DOCK4: variants seen among roughly 807,000 people sequenced by gnomAD.
DOCK4 encodes dedicator of cytokinesis 4, also known as dedicator of cytokinesis protein 4.
A neutral mutation model predicts 268.1 loss-of-function variants in DOCK4; 97 were observed. The observed-to-expected ratio is 0.36, with a 90% confidence interval of 0.31 to 0.43. DOCK4 has a LOEUF of 0.43. Among genes scored for constraint, DOCK4 ranks in the 20% least tolerant of loss-of-function variants. The pLI is 1.00. For missense variants in DOCK4, 2,145 were observed against 2,455.7 expected, an observed-to-expected ratio of 0.87 and a Z score of 2.67; for synonymous variants, 954 against 887.2, an observed-to-expected ratio of 1.08 and a Z score of -1.34.
Position 111,753,005 on chromosome 7 carries a change from TG to T in DOCK4, c.4416+2509del, listed in dbSNP as rs5886603. Among the ~76,000 whole-genome samples, 58 of 105,186 alleles carry T rather than the reference TG, an allele frequency of 5.5e-4. 3 individuals are homozygous for T. The highest frequency in any genetic ancestry group is 9.6e-4 in the African/African-American group (27 of 28,110). The allele number at this position is 105,186 out of a possible 152,430, so 69.0% of individuals were successfully genotyped here. On this transcript the variant is annotated intron_variant, in intron 42 of 52. Transcript: ENST00000428084. ...ATCTTAACAAAAGTTGATAAGCTAT[TG>T]GGGGGGGGGTCTGTGATTTAGAAAA... is the stretch of plus-strand genomic sequence containing the variant.
chr7:112,066,276 A>G (rs6962255), intron 1 of DOCK4, among the ~76,000 whole-genome samples: 20,083 of 151,854 alleles, frequency 0.13, 2,029 homozygotes, highest in East Asian at 0.38. Flanking sequence ...TGGAGCAGGG[A>G]CACTCTTCTT....
intron 16 of DOCK4, among the ~76,000 whole-genome samples, chr7:111,885,514 G>A (rs1168622667): frequency 1.3e-5 from 2 of 152,226 alleles, no homozygotes; most frequent in African/African-American, 4.8e-5. Flanking sequence ...TGTTACCAGT[G>A]TTATGGCAGA....
chr7:111,831,718 C>T (rs888209016), intron 26 of DOCK4, among the ~76,000 whole-genome samples: 2 of 152,104 alleles, frequency 1.3e-5, no homozygotes, highest in Non-Finnish European at 2.9e-5. Flanking sequence ...AACTCCTGGG[C>T]TCAAGTGATC....
chr7:112,179,632 G>A (rs1818852679), intron 1 of DOCK4, among the ~76,000 whole-genome samples: 1 of 151,842 alleles, frequency 6.6e-6, no homozygotes, highest in South Asian at 2.1e-4. Context: ...GCTTCAAAAG[G>A]AAGTTTTTCT....
chr7:111,984,416 G>C (rs750227541), intron 6 of DOCK4, 26 bp from the exon 7 acceptor site: 1 of 1,592,472 alleles, frequency 6.3e-7, no homozygotes, highest in Non-Finnish European at 8.6e-7. Flanking sequence ...CAAAAGTTTG[G>C]GGGAAAAGTT....
chr7:111,801,996 C>G (rs1800333655), intron 30 of DOCK4, among the ~76,000 whole-genome samples: 1 of 151,948 alleles, frequency 6.6e-6, no homozygotes, highest in African/African-American at 2.4e-5. Context: ...CCACCGTGCC[C>G]AGCCAGAATA....
intron 12 of DOCK4, among the ~76,000 whole-genome samples, chr7:111,923,805 T>C (rs1793362952): frequency 6.6e-6 from 1 of 152,220 alleles, no homozygotes; most frequent in Admixed American, 6.5e-5. Flanking sequence ...GGTTATTCCA[T>C]TGCATTTACC....
intron 36 of DOCK4, among the ~76,000 whole-genome samples, chr7:111,775,035 A>G (rs956164352): frequency 6.6e-6 from 1 of 152,216 alleles, no homozygotes; most frequent in Non-Finnish European, 1.5e-5. Context: ...ACAGGTGAGA[A>G]ATGATGGTCT....
chr7:112,011,270 T>TCC (rs984983920), intron 1 of DOCK4, among the ~76,000 whole-genome samples: 14 of 152,312 alleles, frequency 9.2e-5, no homozygotes, highest in African/African-American at 2.6e-4. Flanking sequence ...CTGGGGTGAA[T>TCC]CCCGAGAGGA....
chr7:111,901,252 T>C (rs2134419177), intron 14 of DOCK4, among the ~76,000 whole-genome samples: 1 of 148,496 alleles, frequency 6.7e-6, no homozygotes, highest in African/African-American at 2.5e-5. Flanking sequence ...GAGAATTGCT[T>C]GAACCTGGAA....
At position 111,872,082 on chromosome 7, in the gene DOCK4, T is replaced by C. The variant is rs1373393479; in HGVS notation, c.1935A>G (p.Ile645Met). The C allele has an allele frequency of 6.5e-7, 1 of 1,536,760 alleles. No homozygotes were observed. Among genetic ancestry groups the C allele is most frequent in the Admixed American group, 2.1e-5 (1 of 46,956 alleles). ...GSKVFDSLVH[I>M]INLLQDSKFH... ...ATTTGCTATCTTGCAGCAAATTTAT[T>C]ATGTGAACCTAAAAAAAGAAAATTG... The change falls in exon 20 of 53, where the codon ATA (isoleucine) becomes ATG (methionine). Residue 645 changes from isoleucine to methionine, a missense_variant. Transcript: ENST00000428084.
At chr7:112,159,693 C>T (rs1395513990) in intron 1 of DOCK4, among the ~76,000 whole-genome samples, 4 of 151,730 alleles carry the variant, frequency 2.6e-5, no homozygotes, top group South Asian at 4.2e-4. Context: ...ATCCCAATAA[C>T]AATTCTGTCT....
intron 39 of DOCK4, among the ~76,000 whole-genome samples, chr7:111,763,464 T>A (rs10953697): frequency 0.35 from 52,931 of 152,142 alleles, 9,452 homozygotes; most frequent in South Asian, 0.59. Context: ...TATAGAAGAT[T>A]GATTTATTCT....
chr7:111,873,258 G>C (rs528463047), intron 17 of DOCK4, among the ~76,000 whole-genome samples: 1 of 152,272 alleles, frequency 6.6e-6, no homozygotes, highest in South Asian at 2.1e-4. Context: ...TGGTCCAGCA[G>C]GTCCTTAGAG....
intron 13 of DOCK4, among the ~76,000 whole-genome samples, chr7:111,908,258 C>T (rs1791764611): frequency 6.6e-6 from 1 of 151,762 alleles, no homozygotes; most frequent in African/African-American, 2.4e-5. Flanking sequence ...ACTATCTTGG[C>T]TAACACGGTG....
chr7:112,020,530 A>T (rs1028124230), intron 1 of DOCK4, among the ~76,000 whole-genome samples: 10 of 152,050 alleles, frequency 6.6e-5, no homozygotes, highest in African/African-American at 2.2e-4. Context: ...TGTTTTGGAG[A>T]AAGGGGAAAT....
intron 1 of DOCK4, among the ~76,000 whole-genome samples, chr7:112,111,723 G>A (rs922348327): frequency 1.6e-4 from 25 of 152,172 alleles, no homozygotes; most frequent in East Asian, 1.3e-3. Context: ...TAAGGGCCAG[G>A]GGCGAGGTCC....
chr7:111,884,117 T>C (rs1807645684), intron 16 of DOCK4, among the ~76,000 whole-genome samples: 2 of 152,218 alleles, frequency 1.3e-5, no homozygotes. Context: ...AATCTATTTC[T>C]GAAAAACTTA....
intron 23 of DOCK4, 33 bp from the exon 24 acceptor site, chr7:111,847,159 G>A: frequency 6.2e-7 from 1 of 1,612,220 alleles, no homozygotes; most frequent in Non-Finnish European, 8.5e-7. Context: ...TGTCACATCT[G>A]TTGGAGTCCC....
Sources: gnomAD v4.1 joint callset for allele counts (sites outside exome capture counted in the v4.1 genomes callset) on GRCh38, gnomAD v4.1.1 for gene constraint, MANE v1.5 for transcripts, NCBI Gene and HGNC (gene_info 2026-07-23, HGNC 2026-07-21) for gene names.